The following BCL11B variants were observed in gnomAD, a reference collection of about 807,000 sequenced individuals.
BCL11B encodes the protein BCL11 transcription factor B.
BCL11B carries 8 observed loss-of-function variants against 49.9 expected under a neutral mutation model. The observed-to-expected ratio is 0.16, with a 90% CI of 0.09 to 0.29. The LOEUF (loss-of-function observed/expected upper bound fraction) is 0.29. Among genes scored for constraint, BCL11B ranks in the 10% least tolerant of loss-of-function variants. BCL11B has a pLI of 1.00. For synonymous variants in BCL11B, 739 were observed against 637.4 expected (o/e 1.16, Z -2.40); for missense variants, 1,006 against 1,351.0 (o/e 0.74, Z 4.00).
chr14:99,188,718 C>A (rs572215454), intron 3 of BCL11B, among the ~76,000 whole-genome samples: 3 of 152,170 alleles, frequency 2.0e-5, no homozygotes, highest in Middle Eastern at 3.2e-3. Flanking sequence ...ACAGTGGGCT[C>A]CCTTCTCCCC....
intron 3 of BCL11B, among the ~76,000 whole-genome samples, chr14:99,209,574 A>C (rs1887629895): frequency 6.6e-6 from 1 of 152,170 alleles, no homozygotes; most frequent in African/African-American, 2.4e-5. Context: ...AAGGTGCCAC[A>C]GGGATGCAGG....
At chr14:99,198,612 AGAATT>A (rs996250067) in intron 3 of BCL11B, among the ~76,000 whole-genome samples, 2 of 152,138 alleles carry the variant, frequency 1.3e-5, no homozygotes, top group Non-Finnish European at 2.9e-5. Flanking sequence ...TCCTGGAAGT[AGAATT>A]CCTGGATTGA....
chr14:99,193,344 A>C (rs931601516), intron 3 of BCL11B, among the ~76,000 whole-genome samples: 4 of 152,266 alleles, frequency 2.6e-5, no homozygotes, highest in African/African-American at 9.6e-5. Context: ...CAGAAGAAGG[A>C]AATGTAATTA....
At chr14:99,229,400 G>A (rs1385381124) in intron 3 of BCL11B, among the ~76,000 whole-genome samples, 4 of 152,076 alleles carry the variant, frequency 2.6e-5, no homozygotes, top group Non-Finnish European at 4.4e-5. Flanking sequence ...AAGCTCATTC[G>A]ACCTCCCGTG....
At chr14:99,245,275 G>A (rs1206803824) in intron 2 of BCL11B, among the ~76,000 whole-genome samples, 1 of 152,228 alleles carries the variant, frequency 6.6e-6, no homozygotes, top group Non-Finnish European at 1.5e-5. Context: ...CCTAAGAGAA[G>A]TCAGGCTGAA....
At chr14:99,201,060 A>G (rs1385508314) in intron 3 of BCL11B, among the ~76,000 whole-genome samples, 1 of 151,866 alleles carries the variant, frequency 6.6e-6, no homozygotes, top group Non-Finnish European at 1.5e-5. Flanking sequence ...GACACACAGC[A>G]CCCCCCACCA....
At chr14:99,201,067 A>G (rs914980160) in intron 3 of BCL11B, among the ~76,000 whole-genome samples, 5 of 152,106 alleles carry the variant, frequency 3.3e-5, no homozygotes, top group African/African-American at 1.2e-4. Context: ...AGCACCCCCC[A>G]CCAGGCCTCC....
intron 3 of BCL11B, among the ~76,000 whole-genome samples, chr14:99,207,700 C>T (rs1887572848): frequency 6.6e-6 from 1 of 152,180 alleles, no homozygotes; most frequent in Non-Finnish European, 1.5e-5. Context: ...GGAGCTTTTC[C>T]CGGAGAGTAA....
chr14:99,268,660 C>T (rs1889557510), intron 1 of BCL11B, among the ~76,000 whole-genome samples: 1 of 152,072 alleles, frequency 6.6e-6, no homozygotes, highest in South Asian at 2.1e-4. Context: ...TGACACAGGA[C>T]AGACGAAAAG....
At chr14:99,268,117 A>T (rs1351207078) in intron 1 of BCL11B, among the ~76,000 whole-genome samples, 1 of 151,844 alleles carries the variant, frequency 6.6e-6, no homozygotes, top group African/African-American at 2.4e-5. Flanking sequence ...TTTAAAAGCC[A>T]TATCCATCTG....
intron 3 of BCL11B, among the ~76,000 whole-genome samples, chr14:99,209,604 T>C (rs1887630651): frequency 6.6e-6 from 1 of 152,026 alleles, no homozygotes; most frequent in African/African-American, 2.4e-5. Context: ...CTGGGGAGCC[T>C]GGCCCCCGGC....
At chr14:99,270,657 T>C (rs1251255227) in intron 1 of BCL11B, among the ~76,000 whole-genome samples, 7 of 151,712 alleles carry the variant, frequency 4.6e-5, no homozygotes, top group Non-Finnish European at 4.4e-5. Flanking sequence ...CCCCTGGCCC[T>C]ACGGCTCCCC....
At chr14:99,181,057 A>T (rs1225702066) in intron 3 of BCL11B, among the ~76,000 whole-genome samples, 2 of 152,202 alleles carry the variant, frequency 1.3e-5, no homozygotes, top group African/African-American at 4.8e-5. Flanking sequence ...CACACCTTTA[A>T]TTGAAATTAT....
intron 3 of BCL11B, among the ~76,000 whole-genome samples, chr14:99,222,469 C>G (rs891384797): frequency 2.6e-5 from 4 of 152,178 alleles, no homozygotes; most frequent in Non-Finnish European, 5.9e-5. Context: ...TGAGCCTGGT[C>G]GAGGAAATCG....
chr14:99,222,246 C>T (rs1017319099), intron 3 of BCL11B, among the ~76,000 whole-genome samples: 10 of 122,598 alleles, frequency 8.2e-5, no homozygotes, highest in East Asian at 7.1e-4. Flanking sequence ...TTATTTCTTT[C>T]GCTCCCCAGT....
rs939789290 is a variant in BCL11B, at chr14:99,262,427, G to T, written c.59-4588C>A. ...AAATCCAACTCTCTTATCTTTAATG[G>T]CTAAGCTACAGTCCAGGAGAAACAT... On this transcript the variant is annotated intron_variant, in intron 1 of 3. Coordinates refer to ENST00000357195, the MANE Select transcript of BCL11B (RefSeq NM_138576.4). This position sits in a 1 kb window ranked among gnomAD's most constrained non-coding sequence, Gnocchi z 4.2. Among the ~76,000 whole-genome samples the T allele has an allele frequency of 1.3e-5, 2 of 152,112 alleles. No homozygotes were observed. The highest frequency in any genetic ancestry group is 4.8e-5 in the African/African-American group (2 of 41,396).
At chr14:99,233,958 A>C (rs1332549065) in intron 2 of BCL11B, among the ~76,000 whole-genome samples, 3 of 152,054 alleles carry the variant, frequency 2.0e-5, no homozygotes, top group Non-Finnish European at 4.4e-5. Flanking sequence ...AGCACCTTCT[A>C]CACTGGGAGA....
intron 3 of BCL11B, among the ~76,000 whole-genome samples, chr14:99,203,182 G>A (rs373222423): frequency 2.5e-4 from 38 of 152,238 alleles, no homozygotes; most frequent in Non-Finnish European, 4.0e-4. Context: ...TCCCGTTCTC[G>A]TTCCCCATGG....
At chr14:99,206,708 T>C (rs908375904) in intron 3 of BCL11B, among the ~76,000 whole-genome samples, 1 of 152,252 alleles carries the variant, frequency 6.6e-6, no homozygotes, top group Non-Finnish European at 1.5e-5. Flanking sequence ...TTCTATTTCA[T>C]TATTAATTAT....
Sources: allele counts gnomAD v4.1 joint callset (sites outside exome capture counted in the v4.1 genomes callset), GRCh38; gene constraint gnomAD v4.1.1; non-coding constraint Gnocchi (gnomAD v3.1); transcripts MANE v1.5; gene names NCBI Gene and HGNC (gene_info 2026-07-23, HGNC 2026-07-21).